Variants in METTL25 observed in about 807,000 individuals in gnomAD.
The protein encoded by METTL25 is methyltransferase like 25, also known as probable methyltransferase-like protein 25.
A neutral mutation model predicts 71.6 loss-of-function variants in METTL25; 64 were observed. The observed-to-expected ratio is 0.89, with a 90% confidence interval of 0.73 to 1.10. METTL25 has a LOEUF of 1.10. METTL25 is among the 50% of genes least tolerant of loss of function. METTL25 has a pLI of 0.00. For synonymous variants in METTL25, 287 were observed against 250.3 expected, an observed-to-expected ratio of 1.15 and a Z score of -1.38; for missense variants, 807 against 707.0, an observed-to-expected ratio of 1.14 and a Z score of -1.60.
chr12:82,403,018 T>C lies in METTL25; in HGVS notation c.1167T>C (p.Asp389=). ...TGGTGGGTCTCCACACTTGTGGTGA[T>C]CTGGCTCCAAATACTTTGCGAATAT... ...CLMVGLHTCG[D]LAPNTLRIFT... Residue 389 remains aspartate (D), a synonymous_variant, in exon 5 of 12, where the codon GAT becomes GAC. Transcript: ENST00000248306. 1 of 1,613,038 alleles carries C rather than the reference T, an allele frequency of 6.2e-7. No homozygotes were observed. Among genetic ancestry groups the C allele is most frequent in the Non-Finnish European group, 8.5e-7 (1 of 1,179,274 alleles).
intron 5 of METTL25, among the ~76,000 whole-genome samples, chr12:82,420,774 CT>C (rs1224549665): frequency 6.6e-6 from 1 of 151,666 alleles, no homozygotes; most frequent in Non-Finnish European, 1.5e-5. Context: ...GGATTGGGGT[CT>C]TAATATTAAA....
intron 5 of METTL25, among the ~76,000 whole-genome samples, chr12:82,405,073 G>A (rs1211669635): frequency 1.3e-5 from 2 of 152,036 alleles, no homozygotes; most frequent in Non-Finnish European, 2.9e-5. Flanking sequence ...ATTCCAAGGG[G>A]CCTCCCTCTC....
intron 5 of METTL25, among the ~76,000 whole-genome samples, chr12:82,420,037 G>C (rs1888343193): frequency 6.6e-6 from 1 of 152,114 alleles, no homozygotes; most frequent in African/African-American, 2.4e-5. Flanking sequence ...CCTTTAAAAA[G>C]AAGCAAGTCC....
intron 8 of METTL25, among the ~76,000 whole-genome samples, chr12:82,447,584 ATAAG>A (rs1196917532): frequency 1.3e-5 from 2 of 150,296 alleles, no homozygotes; most frequent in Non-Finnish European, 1.5e-5. Flanking sequence ...CAAGAACAAC[ATAAG>A]TAAGGTAAAC....
At chr12:82,402,052 G>C (rs1886670934) in intron 4 of METTL25, among the ~76,000 whole-genome samples, 1 of 151,858 alleles carries the variant, frequency 6.6e-6, no homozygotes, top group Non-Finnish European at 1.5e-5. Context: ...AATGATTGTT[G>C]AACAAGATTC....
At chr12:82,466,598 G>A (rs1455591865) in intron 9 of METTL25, among the ~76,000 whole-genome samples, 2 of 151,950 alleles carry the variant, frequency 1.3e-5, no homozygotes, top group African/African-American at 2.4e-5. Context: ...ATAAATGTCT[G>A]TTCTGTTAGT....
At chr12:82,398,409 T>C (rs985110528) in intron 3 of METTL25, among the ~76,000 whole-genome samples, 1 of 151,996 alleles carries the variant, frequency 6.6e-6, no homozygotes, top group African/African-American at 2.4e-5. Flanking sequence ...CTATATTATA[T>C]ATGTTCTGAT....
At chr12:82,381,179 T>C (rs1268081209) in intron 1 of METTL25, among the ~76,000 whole-genome samples, 1 of 152,220 alleles carries the variant, frequency 6.6e-6, no homozygotes, top group Non-Finnish European at 1.5e-5. Flanking sequence ...GAATTGTTTA[T>C]TTTTTATTTA....
At chr12:82,377,843 G>C (rs988050727) in intron 1 of METTL25, among the ~76,000 whole-genome samples, 1 of 152,104 alleles carries the variant, frequency 6.6e-6, no homozygotes, top group Non-Finnish European at 1.5e-5. Context: ...TCAAAAAAAG[G>C]CTTAAGTATG....
At chr12:82,389,725 C>G in intron 2 of METTL25, 91 bp from the exon 3 acceptor site, 1 of 721,008 alleles carries the variant, frequency 1.4e-6, no homozygotes, top group Non-Finnish European at 2.4e-6. Flanking sequence ...TATTATTTTC[C>G]TACTTAATTT....
At chr12:82,411,573 T>G (rs1349620496) in intron 5 of METTL25, among the ~76,000 whole-genome samples, 1 of 151,970 alleles carries the variant, frequency 6.6e-6, no homozygotes, top group Non-Finnish European at 1.5e-5. Flanking sequence ...AAGCACTGAT[T>G]CAGCACTGGT....
At chr12:82,440,025 A>T (rs1031321195) in intron 8 of METTL25, among the ~76,000 whole-genome samples, 2 of 151,932 alleles carry the variant, frequency 1.3e-5, no homozygotes, top group Non-Finnish European at 2.9e-5. Context: ...CCTTAGCCCC[A>T]TTGACCTTTT....
chr12:82,472,209 G>T (rs1727297950), intron 9 of METTL25, among the ~76,000 whole-genome samples: 1 of 152,116 alleles, frequency 6.6e-6, no homozygotes, highest in African/African-American at 2.4e-5. Flanking sequence ...AAATAATTTT[G>T]TGAGTACATA....
Position 82,399,085 on chromosome 12 carries a change from C to A in METTL25, c.822C>A (p.Thr274=). 1 of 1,613,170 alleles carries A rather than the reference C, an allele frequency of 6.2e-7. No individual in the cohort carries two copies. Among genetic ancestry groups the A allele is most frequent in the Non-Finnish European group, 8.5e-7 (1 of 1,179,418 alleles). ...NSPTNQEKMP[T]SAILPDFSGS... ...CTACAAATCAAGAAAAGATGCCTAC[C>A]TCAGCTATTTTGCCTGATTTTTCTG... The change falls in exon 4 of 12, where the codon ACC becomes ACA. Residue 274 remains threonine (T), a synonymous_variant. Transcript: ENST00000248306.
At chr12:82,402,671 G>C (rs1886737737) in intron 4 of METTL25, among the ~76,000 whole-genome samples, 1 of 152,090 alleles carries the variant, frequency 6.6e-6, no homozygotes, top group Admixed American at 6.5e-5. Context: ...AAAGTTGAAA[G>C]ATTTAATTTA....
At position 82,358,622 on chromosome 12, in the gene METTL25, G is replaced by T. The variant is rs1466567404; in HGVS notation, c.57G>T (p.Lys19Asn). The T allele has an allele frequency of 1.2e-6, 2 of 1,613,864 alleles. No individual in the cohort carries two copies. The highest frequency in any genetic ancestry group is 1.7e-6 in the Non-Finnish European group (2 of 1,180,050). Residue 19 changes from lysine (K) to asparagine (N), a missense_variant, in exon 1 of 12, where the codon AAG (lysine) becomes AAT (asparagine). Transcript: ENST00000248306. The stretch of plus-strand genomic sequence containing the variant: ...CGGACCTGCCCACGCTGCGTGCCAA[G>T]TTGCAGGGACTGCTGCAGTTCCTGA... ...VTPDLPTLRA[K>N]LQGLLQFLRD...
chr12:82,383,145 A>C (rs1343038214), intron 1 of METTL25, among the ~76,000 whole-genome samples: 2 of 152,076 alleles, frequency 1.3e-5, no homozygotes, highest in African/African-American at 2.4e-5. Flanking sequence ...AATACTTGCC[A>C]GACTTGATTC....
At chr12:82,472,944 C>T (rs900371829) in intron 9 of METTL25, among the ~76,000 whole-genome samples, 3 of 152,134 alleles carry the variant, frequency 2.0e-5, no homozygotes, top group African/African-American at 7.2e-5. Context: ...GTCACATCAT[C>T]CAATTTTATG....
At chr12:82,463,355 T>C (rs1892021869) in intron 9 of METTL25, among the ~76,000 whole-genome samples, 1 of 152,046 alleles carries the variant, frequency 6.6e-6, no homozygotes, top group Admixed American at 6.6e-5. Context: ...AATCCTGGCT[T>C]ATTTCACTTA....
Sources: allele counts gnomAD v4.1 joint callset (sites outside exome capture counted in the v4.1 genomes callset), GRCh38; gene constraint gnomAD v4.1.1; transcripts MANE v1.5; gene names NCBI Gene and HGNC (gene_info 2026-07-23, HGNC 2026-07-21).